HEPHL1: variants seen among roughly 807,000 people sequenced by gnomAD.
HEPHL1 encodes the protein ferroxidase HEPHL1.
A neutral mutation model predicts 122.0 loss-of-function variants in HEPHL1; 123 were observed. The observed-to-expected ratio is 1.01, with a 90% CI of 0.87 to 1.17. The LOEUF (loss-of-function observed/expected upper bound fraction) is 1.17, where lower values mean the gene tolerates loss of function less well. Ranked by LOEUF, HEPHL1 falls within the 50% of genes most tolerant of loss-of-function variation. The pLI, the probability that HEPHL1 is intolerant of heterozygous loss-of-function variation, is 0.00. For missense variants in HEPHL1, 1,452 were observed against 1,430.5 expected (o/e 1.01, Z -0.24); for synonymous variants, 527 against 508.9 (o/e 1.04, Z -0.48).
In HEPHL1 at chr11:94,070,556, G is replaced by A. The variant is rs747177101; in HGVS notation, c.1232+14G>A. On this transcript the variant is annotated intron_variant, in intron 6 of 19. Transcript: ENST00000315765. ...CGCCTCTGGCAGGTAAGCACCCTTT[G>A]TTGGTGTTTCTAAGCCTCTCGTCAG... 1 of 1,595,420 alleles carries A rather than the reference G, an allele frequency of 6.3e-7. No individual in the cohort carries two copies. The highest frequency in any genetic ancestry group is 1.7e-5 in the Admixed American group (1 of 58,186).
At position 94,085,287 on chromosome 11, in the gene HEPHL1, G is replaced by C. The variant is rs189540988; in HGVS notation, c.1868-690G>C. On this transcript the variant is annotated intron_variant, in intron 10 of 19. Coordinates refer to ENST00000315765, the MANE Select transcript of HEPHL1 (RefSeq NM_001098672.2). The stretch of plus-strand genomic sequence containing the variant: ...AAGATAAAAACAATTTGCCACTCTG[G>C]AAGCACAGAGGGTCTTCATATCTAA... 7.8e-4 allele frequency among the ~76,000 whole-genome samples: 119 copies of C among 152,270 alleles called. 3 individuals carry two copies. The East Asian group carries it at 0.02, about 25-fold the overall frequency.
intron 10 of HEPHL1, among the ~76,000 whole-genome samples, chr11:94,083,253 A>C (rs1179222020): frequency 1.3e-5 from 2 of 152,192 alleles, no homozygotes; most frequent in East Asian, 3.8e-4. Flanking sequence ...AAGTAGTATG[A>C]ATGATTTAAT....
At chr11:94,068,595 C>G (rs116222026) in intron 5 of HEPHL1, among the ~76,000 whole-genome samples, 1 of 152,088 alleles carries the variant, frequency 6.6e-6, no homozygotes, top group African/African-American at 2.4e-5. Context: ...GCTCATCAGG[C>G]CCCTTAGCAA....
intron 8 of HEPHL1, 59 bp downstream of exon 8, chr11:94,073,498 TA>T (rs1241907158): frequency 6.7e-7 from 1 of 1,500,758 alleles, no homozygotes; most frequent in African/African-American, 1.4e-5. Context: ...CACTTAGAAA[TA>T]AACAGTCCTG....
chr11:94,071,112 C>T (rs536156555), intron 6 of HEPHL1, among the ~76,000 whole-genome samples: 48 of 152,190 alleles, frequency 3.2e-4, no homozygotes, highest in East Asian at 7.7e-4. Context: ...GTTCTCTCTG[C>T]GCTCCCATAG....
rs1350014350 is a variant in HEPHL1 at position 94,064,426 on chromosome 11, A to T, written c.724A>T (p.Asn242Tyr). 3.1e-6 allele frequency: 5 copies of T among 1,612,522 alleles called. No individual in the cohort carries two copies. The highest frequency in any genetic ancestry group is 1.3e-5 in the African/African-American group (1 of 75,020). The change falls in exon 4 of 20, where the codon AAT becomes TAT. Residue 242 changes from asparagine to tyrosine, a missense_variant. Coordinates refer to ENST00000315765, the MANE Select transcript of HEPHL1 (RefSeq NM_001098672.2). ...LVDENQSWYL[N>Y]ENIKHFCTNP... ...GGATGAGAATCAAAGCTGGTACCTCAATGAAAATATCAAACATTTCTGCAC... is the reference window on the plus strand; with the variant it reads ...GGATGAGAATCAAAGCTGGTACCTCTATGAAAATATCAAACATTTCTGCAC...
intron 15 of HEPHL1, among the ~76,000 whole-genome samples, chr11:94,103,435 CTT>C (rs1485097437): frequency 2.0e-5 from 3 of 151,962 alleles, no homozygotes; most frequent in Non-Finnish European, 4.4e-5. Context: ...ATAAATATAA[CTT>C]AGAGTACAAT....
chr11:94,033,520 T>C (rs1945694034), intron 1 of HEPHL1, among the ~76,000 whole-genome samples: 1 of 152,176 alleles, frequency 6.6e-6, no homozygotes, highest in Admixed American at 6.5e-5. Flanking sequence ...GGACATCTAG[T>C]GTGGATCATG....
chr11:94,062,557 C>T (rs1165150259), intron 2 of HEPHL1, among the ~76,000 whole-genome samples: 3 of 151,960 alleles, frequency 2.0e-5, no homozygotes, highest in Non-Finnish European at 4.4e-5. Flanking sequence ...AATTCACATT[C>T]TTGAATGACT....
At chr11:94,093,971 G>GATAGATAGATATATATAT (rs71036310) in intron 13 of HEPHL1, among the ~76,000 whole-genome samples, 17 of 72,770 alleles carry the variant, frequency 2.3e-4, no homozygotes, top group African/African-American at 5.4e-4. Flanking sequence ...TCCTCCAGCA[G>GATAGATAGATATATATAT]ATATATATAT....
chr11:94,030,725 A>G (rs928383269), intron 1 of HEPHL1, among the ~76,000 whole-genome samples: 8 of 152,180 alleles, frequency 5.3e-5, no homozygotes, highest in African/African-American at 1.9e-4. Flanking sequence ...CTCTATTATA[A>G]AGGTCCAGGG....
Position 94,073,136 on chromosome 11 carries a change from T to A in HEPHL1, c.1344T>A (p.Ser448=). ...CTTTTACTAAAAGAAAGAGACTCTC[T>A]GCTGAAGAAGCCCATCTTGGAATTC... ...DATFTKRKRL[S]AEEAHLGILG... The change falls in exon 7 of 20, where the codon TCT becomes TCA. Residue 448 remains serine (S), a synonymous_variant. Coordinates refer to ENST00000315765, the MANE Select transcript of HEPHL1 (RefSeq NM_001098672.2). The A allele has an allele frequency of 6.2e-7, 1 of 1,613,224 alleles. No homozygotes were observed. The highest frequency in any genetic ancestry group is 8.5e-7 in the Non-Finnish European group (1 of 1,179,468).
At chr11:94,049,035 C>T (rs770379080) in intron 2 of HEPHL1, among the ~76,000 whole-genome samples, 4 of 151,948 alleles carry the variant, frequency 2.6e-5, no homozygotes, top group Non-Finnish European at 2.9e-5. Flanking sequence ...GCAGGATAGT[C>T]GCTTGAACCT....
chr11:94,095,408 C>T (rs1023196011), intron 13 of HEPHL1, among the ~76,000 whole-genome samples: 3 of 152,120 alleles, frequency 2.0e-5, no homozygotes, highest in Non-Finnish European at 4.4e-5. Context: ...CCTTGTAGTA[C>T]AGTTTGAAGT....
chr11:94,069,349 G>C (rs1946057049), intron 5 of HEPHL1, among the ~76,000 whole-genome samples: 1 of 152,074 alleles, frequency 6.6e-6, no homozygotes, highest in Admixed American at 6.6e-5. Context: ...TCAAACTCCT[G>C]GGCCCAAGCA....
intron 1 of HEPHL1, among the ~76,000 whole-genome samples, chr11:94,041,101 C>A (rs1417513983): frequency 7.0e-6 from 1 of 142,770 alleles, no homozygotes; most frequent in Non-Finnish European, 1.5e-5. Context: ...AGAGCCAAAT[C>A]ATGAGTGAAC....
intron 14 of HEPHL1, among the ~76,000 whole-genome samples, chr11:94,102,021 A>G (rs1565362800): frequency 2.0e-5 from 3 of 152,192 alleles, no homozygotes; most frequent in African/African-American, 7.2e-5. Context: ...ATTAGTAATT[A>G]TTGTCAATCT....
At chr11:94,082,049 C>A (rs948669293) in intron 9 of HEPHL1, among the ~76,000 whole-genome samples, 3 of 152,100 alleles carry the variant, frequency 2.0e-5, no homozygotes, top group Non-Finnish European at 4.4e-5. Context: ...GTGTCTGGAG[C>A]AAGCTAGGAG....
chr11:94,069,310 A>G (rs1169890417), intron 5 of HEPHL1, among the ~76,000 whole-genome samples: 1 of 152,120 alleles, frequency 6.6e-6, no homozygotes, highest in Non-Finnish European at 1.5e-5. Flanking sequence ...AAATAGAGAC[A>G]GGGTCTTGCT....
Sources: allele counts gnomAD v4.1 joint callset (sites outside exome capture counted in the v4.1 genomes callset), GRCh38; gene constraint gnomAD v4.1.1; transcripts MANE v1.5; gene names NCBI Gene and HGNC (gene_info 2026-07-23, HGNC 2026-07-21).